Variants in MEOX1 observed in about 807,000 individuals in gnomAD.
MEOX1 encodes the protein mesenchyme homeobox 1.
MEOX1 carries 17 observed loss-of-function variants against 23.2 expected under a neutral mutation model. The ratio of observed to expected loss-of-function variants is 0.73; its 90% CI spans 0.50 to 1.10. The LOEUF (loss-of-function observed/expected upper bound fraction) is 1.10, where lower values mean the gene tolerates loss of function less well. Ranked by LOEUF, MEOX1 falls within the 50% of genes least tolerant of loss-of-function variation. MEOX1 has a pLI of 0.00. For missense variants in MEOX1, 333 were observed against 332.2 expected, an observed-to-expected ratio of 1.00 and a Z score of -0.02; for synonymous variants, 134 against 135.1, an observed-to-expected ratio of 0.99 and a Z score of 0.06.
At chr17:43,646,350 C>A (rs951650365) in intron 1 of MEOX1, among the ~76,000 whole-genome samples, 3 of 152,214 alleles carry the variant, frequency 2.0e-5, no homozygotes, top group African/African-American at 7.2e-5. Context: ...GAGCGGATGA[C>A]GGGCTTCCCG....
chr17:43,651,699 T>G (rs1306535996), intron 1 of MEOX1, among the ~76,000 whole-genome samples: 2 of 152,186 alleles, frequency 1.3e-5, no homozygotes, highest in African/African-American at 2.4e-5. Flanking sequence ...GTCCTGTCTC[T>G]CAGGCAGAAA....
intron 1 of MEOX1, among the ~76,000 whole-genome samples, chr17:43,649,600 C>G (rs958725825): frequency 1.3e-5 from 2 of 152,330 alleles, no homozygotes; most frequent in African/African-American, 4.8e-5. Context: ...AGCCACTGCA[C>G]CTGGCCTAGG....
Position 43,661,471 on chromosome 17 carries a change from G to A in MEOX1, c.64C>T (p.Leu22Phe). ...LQPPAPVWGC[L>F]RNPHSEGNGA... Reference sequence around the variant, plus strand: ...TTGCCTTCCGAGTGGGGGTTTCGAAGGCAGCCCCAGACAGGGGCTGGGGGC... The same window carrying A: ...TTGCCTTCCGAGTGGGGGTTTCGAAAGCAGCCCCAGACAGGGGCTGGGGGC... The change falls in exon 1 of 3, where the codon CTT (leucine) becomes TTT (phenylalanine). Residue 22 changes from leucine to phenylalanine, a missense_variant. Coordinates refer to ENST00000318579, the MANE Select transcript of MEOX1 (RefSeq NM_004527.4). The A allele has an allele frequency of 6.2e-7, 1 of 1,609,418 alleles. No homozygotes were observed. Among genetic ancestry groups the A allele is most frequent in the Non-Finnish European group, 8.5e-7 (1 of 1,178,856 alleles).
chr17:43,649,066 G>C (rs1972863698), intron 1 of MEOX1, among the ~76,000 whole-genome samples: 2 of 152,182 alleles, frequency 1.3e-5, no homozygotes, highest in African/African-American at 2.4e-5. Flanking sequence ...CACCCGCTGT[G>C]CTTATCAGGC....
At chr17:43,645,613 T>C (rs1245197097) in intron 1 of MEOX1, among the ~76,000 whole-genome samples, 2 of 152,192 alleles carry the variant, frequency 1.3e-5, no homozygotes, top group African/African-American at 4.8e-5. Context: ...AGGGATCTTC[T>C]GTTTTCAGAG....
At chr17:43,645,541 G>A (rs34618263) in intron 1 of MEOX1, among the ~76,000 whole-genome samples, 21,712 of 152,084 alleles carry the variant, frequency 0.14, 3,961 homozygotes, top group African/African-American at 0.43. Context: ...CGAAACCTGC[G>A]GCCCAACGTC....
intron 1 of MEOX1, among the ~76,000 whole-genome samples, chr17:43,646,987 CA>C (rs1279336079): frequency 4.0e-5 from 6 of 151,820 alleles, no homozygotes; most frequent in Non-Finnish European, 5.9e-5. Flanking sequence ...AACTCCGTCT[CA>C]AAAAAAAGAA....
At chr17:43,660,113 A>G (rs1973109937) in intron 1 of MEOX1, among the ~76,000 whole-genome samples, 1 of 152,200 alleles carries the variant, frequency 6.6e-6, no homozygotes, top group African/African-American at 2.4e-5. Context: ...CACGGGCAGG[A>G]GGCTTGGTCA....
At chr17:43,654,188 G>C (rs564039670) in intron 1 of MEOX1, among the ~76,000 whole-genome samples, 1 of 152,270 alleles carries the variant, frequency 6.6e-6, no homozygotes, top group African/African-American at 2.4e-5. Context: ...AGGCTGTTAG[G>C]GTGGGTCCCA....
At chr17:43,655,792 T>C (rs1270796366) in intron 1 of MEOX1, among the ~76,000 whole-genome samples, 3 of 151,922 alleles carry the variant, frequency 2.0e-5, no homozygotes, top group African/African-American at 4.8e-5. Flanking sequence ...ATTTCACTTA[T>C]GTAAGGTATC....
chr17:43,658,692 G>A (rs905990051), intron 1 of MEOX1, among the ~76,000 whole-genome samples: 1 of 152,146 alleles, frequency 6.6e-6, no homozygotes, highest in Admixed American at 6.5e-5. Flanking sequence ...CAGATTCCTG[G>A]AGTAGGTCAT....
chr17:43,658,096 G>C (rs1331954450), intron 1 of MEOX1, among the ~76,000 whole-genome samples: 1 of 152,246 alleles, frequency 6.6e-6, no homozygotes, highest in Non-Finnish European at 1.5e-5. Context: ...TGTCTGTCTG[G>C]CTGGGAAGAA....
intron 1 of MEOX1, among the ~76,000 whole-genome samples, chr17:43,647,536 C>A (rs1047398494): frequency 6.6e-6 from 1 of 152,152 alleles, no homozygotes; most frequent in Admixed American, 6.5e-5. Flanking sequence ...GGGCCTGGAG[C>A]TGGACCATGG....
At chr17:43,654,561 C>T (rs1011721480) in intron 1 of MEOX1, among the ~76,000 whole-genome samples, 1 of 151,920 alleles carries the variant, frequency 6.6e-6, no homozygotes, top group South Asian at 2.1e-4. Flanking sequence ...TGGTTCACAC[C>T]TGTAATCCTA....
chr17:43,652,230 C>T (rs1224373960), intron 1 of MEOX1, among the ~76,000 whole-genome samples: 1 of 152,164 alleles, frequency 6.6e-6, no homozygotes. Context: ...ACAAGAGGAG[C>T]TGCTGCAGCG....
At chr17:43,656,214 C>A (rs1973015332) in intron 1 of MEOX1, among the ~76,000 whole-genome samples, 4 of 152,060 alleles carry the variant, frequency 2.6e-5, no homozygotes, top group Admixed American at 2.6e-4. Flanking sequence ...CAAAAATATT[C>A]TTGGAAGGGG....
intron 1 of MEOX1, among the ~76,000 whole-genome samples, chr17:43,649,367 C>T (rs1029175618): frequency 3.7e-5 from 5 of 135,852 alleles, no homozygotes; most frequent in Admixed American, 1.7e-4. Flanking sequence ...ACTGCAATGG[C>T]GGGATCTCGG....
chr17:43,652,914 C>T (rs1972945775), intron 1 of MEOX1, among the ~76,000 whole-genome samples: 2 of 139,834 alleles, frequency 1.4e-5, no homozygotes. Context: ...TCACTGCAAG[C>T]TGTGCCTCCC....
intron 2 of MEOX1, 35 bp from the exon 3 acceptor site, chr17:43,642,067 GGGCCGGTGTGACCTCCTCCCCATGTCAAT>G (rs769636392): frequency 3.1e-6 from 5 of 1,593,596 alleles, no homozygotes; most frequent in Middle Eastern, 1.7e-4. Flanking sequence ...GGTCACTCCA[GGGCCGGTGTGACCTCCTCCCCATGTCAAT>G]GCTTAGGCTA....
Sources: allele counts gnomAD v4.1 joint callset (sites outside exome capture counted in the v4.1 genomes callset), GRCh38; gene constraint gnomAD v4.1.1; transcripts MANE v1.5; gene names NCBI Gene and HGNC (gene_info 2026-07-23, HGNC 2026-07-21).